The following CDC42SE2 variants were observed in gnomAD, a reference collection of about 807,000 sequenced individuals.
CDC42SE2 encodes the protein CDC42 small effector 2.
In CDC42SE2, 3 loss-of-function variants were observed where a neutral mutation model predicts 11.5. The ratio of observed to expected loss-of-function variants is 0.26; its 90% CI spans 0.12 to 0.67. The LOEUF is 0.67. Among genes scored for constraint, CDC42SE2 ranks in the 30% least tolerant of loss-of-function variants. CDC42SE2 has a pLI of 0.80. For synonymous variants in CDC42SE2, 33 were observed against 34.8 expected (o/e 0.95, Z 0.18); for missense variants, 82 against 106.8 (o/e 0.77, Z 1.02).
chr5:131,278,164 A>G (rs1365943304), intron 1 of CDC42SE2, among the ~76,000 whole-genome samples: 2 of 152,044 alleles, frequency 1.3e-5, no homozygotes, highest in African/African-American at 2.4e-5. Flanking sequence ...TTTTATTTTT[A>G]GTAGAGATGG....
intron 2 of CDC42SE2, among the ~76,000 whole-genome samples, chr5:131,349,600 A>G (rs1758950273): frequency 1.3e-5 from 2 of 152,220 alleles, no homozygotes; most frequent in Admixed American, 6.5e-5. Context: ...CCTAACTGCC[A>G]TGTCGTTCAA....
intron 1 of CDC42SE2, among the ~76,000 whole-genome samples, chr5:131,247,158 G>A (rs1756601849): frequency 6.6e-6 from 1 of 152,012 alleles, no homozygotes; most frequent in Admixed American, 6.6e-5. Context: ...GAGACAAATA[G>A]TATTTAGTAT....
chr5:131,336,520 C>G (rs1048385049), intron 2 of CDC42SE2, among the ~76,000 whole-genome samples: 3 of 152,098 alleles, frequency 2.0e-5, no homozygotes, highest in African/African-American at 7.2e-5. Context: ...GTTGGCTTGC[C>G]TTGCTAGATT....
intron 1 of CDC42SE2, among the ~76,000 whole-genome samples, chr5:131,290,760 A>G (rs546880029): frequency 3.3e-5 from 5 of 152,178 alleles, no homozygotes; most frequent in Admixed American, 2.0e-4. Flanking sequence ...GATTATAGGC[A>G]TGAGCCACCA....
chr5:131,277,728 T>TG, intron 1 of CDC42SE2, among the ~76,000 whole-genome samples: 1 of 152,322 alleles, frequency 6.6e-6, no homozygotes, highest in South Asian at 2.1e-4. Flanking sequence ...GCCTGGCCCT[T>TG]TACCTTTCCA....
At chr5:131,231,462 A>G in the CDC42SE2 span, among the ~76,000 whole-genome samples, 1 of 152,168 alleles carries the variant, frequency 6.6e-6, no homozygotes, top group Non-Finnish European at 1.5e-5. Flanking sequence ...AAAAACATGT[A>G]TTGTTTGTTA....
At chr5:131,382,041 A>G (rs371210557) in intron 3 of CDC42SE2, among the ~76,000 whole-genome samples, 2 of 152,216 alleles carry the variant, frequency 1.3e-5, no homozygotes, top group African/African-American at 4.8e-5. Context: ...ACAAACTGTT[A>G]GATTAGATGC....
Position 131,325,815 on chromosome 5 carries a change from TATG to T in CDC42SE2, c.-286+9674_-286+9676del, listed in dbSNP as rs530925720. Among the ~76,000 whole-genome samples, 377 of 152,346 alleles carry T rather than the reference TATG, an allele frequency of 2.5e-3. 1 individual carries two copies. The highest frequency in any genetic ancestry group is 8.0e-3 in the African/African-American group (333 of 41,578). On this transcript the variant is annotated intron_variant, in intron 2 of 4. Transcript: ENST00000505065. ...TATATCTCTTCTTTCCTCTTCCTAA[TATG>T]ATAATCAGATTTCCCTTTCACTACA...
intron 2 of CDC42SE2, among the ~76,000 whole-genome samples, chr5:131,328,081 T>A (rs533506892): frequency 6.6e-6 from 1 of 152,108 alleles, no homozygotes; most frequent in Non-Finnish European, 1.5e-5. Flanking sequence ...CCCATTGAAA[T>A]GGGGCACATA....
chr5:131,363,836 C>T (rs1280820235), intron 3 of CDC42SE2, among the ~76,000 whole-genome samples: 1 of 151,710 alleles, frequency 6.6e-6, no homozygotes. Flanking sequence ...GCTGGGACTA[C>T]AGGCATGTGC....
intron 2 of CDC42SE2, among the ~76,000 whole-genome samples, chr5:131,342,503 C>T (rs1758736036): frequency 1.4e-5 from 2 of 147,224 alleles, no homozygotes; most frequent in East Asian, 2.0e-4. Flanking sequence ...GATTCTCCTG[C>T]CTCTGCCTCC....
chr5:131,315,457 CAAGT>C (rs1758022262), intron 1 of CDC42SE2, among the ~76,000 whole-genome samples: 2 of 152,106 alleles, frequency 1.3e-5, no homozygotes, highest in African/African-American at 4.8e-5. Context: ...AGGGTACAGA[CAAGT>C]AATTGTGAGC....
chr5:131,379,236 C>G (rs1750248335), intron 3 of CDC42SE2, among the ~76,000 whole-genome samples: 1 of 152,138 alleles, frequency 6.6e-6, no homozygotes. Context: ...TTTCTTTATT[C>G]ACTCTGTATC....
At chr5:131,258,642 T>A (rs866231733) in intron 2 of CDC42SE2, among the ~76,000 whole-genome samples, 1 of 152,156 alleles carries the variant, frequency 6.6e-6, no homozygotes, top group African/African-American at 2.4e-5. Flanking sequence ...CCCAGTGAAG[T>A]GTATCACCTA....
chr5:131,287,863 A>G (rs185233827), intron 1 of CDC42SE2, among the ~76,000 whole-genome samples: 25 of 152,158 alleles, frequency 1.6e-4, no homozygotes, highest in Non-Finnish European at 1.8e-4. Flanking sequence ...TTTCCCTAAT[A>G]GTTGGGCTTT....
chr5:131,278,639 G>A (rs1423790804), intron 1 of CDC42SE2, among the ~76,000 whole-genome samples: 1 of 144,308 alleles, frequency 6.9e-6, no homozygotes, highest in East Asian at 2.2e-4. Flanking sequence ...ACCACTGGCA[G>A]TGGGACCATA....
At chr5:131,281,267 T>C (rs1156490675) in intron 1 of CDC42SE2, among the ~76,000 whole-genome samples, 1 of 152,202 alleles carries the variant, frequency 6.6e-6, no homozygotes, top group East Asian at 1.9e-4. Flanking sequence ...CTTACCCCCT[T>C]GTGCTACTTC....
chr5:131,321,771 C>T (rs190510236), intron 2 of CDC42SE2, among the ~76,000 whole-genome samples: 1 of 152,034 alleles, frequency 6.6e-6, no homozygotes, highest in African/African-American at 2.4e-5. Context: ...AAAAGGGATT[C>T]ACCTAATTTT....
At chr5:131,244,919 G>A (rs1039533385), upstream of CDC42SE2, among the ~76,000 whole-genome samples, 5 of 152,070 alleles carry the variant, frequency 3.3e-5, no homozygotes, top group African/African-American at 9.7e-5. Flanking sequence ...GAAAATTACT[G>A]GGGGGAATCA....
Sources: gnomAD v4.1 joint callset for allele counts (sites outside exome capture counted in the v4.1 genomes callset) on GRCh38, gnomAD v4.1.1 for gene constraint, MANE v1.5 for transcripts, NCBI Gene and HGNC (gene_info 2026-07-23, HGNC 2026-07-21) for gene names.